The following SPHK1 variants were observed in gnomAD, a reference collection of about 807,000 sequenced individuals.
SPHK1 encodes sphingosine kinase 1.
Under a neutral mutation model 14.6 loss-of-function variants are expected in SPHK1, and 10 were observed. That is an observed-to-expected ratio of 0.68 (90% CI 0.42 to 1.16). The LOEUF (loss-of-function observed/expected upper bound fraction) is 1.16, where lower values mean the gene tolerates loss of function less well. Among genes scored for constraint, SPHK1 ranks in the 50% most tolerant of loss-of-function variants. The pLI is 0.00. For missense variants in SPHK1, 553 were observed against 525.4 expected (o/e 1.05, Z -0.51); for synonymous variants, 274 against 224.0 (o/e 1.22, Z -1.99).
At position 76,387,784 on chromosome 17, in the gene SPHK1, C is replaced by T. The variant is rs1443920852; in HGVS notation, c.*198C>T. ...AGCCCAGCTGGCTGGGCCCAGCTGC[C>T]TATGTAAGGCCTTCTAGTTTGTTCT... On this transcript the variant is annotated 3_prime_UTR_variant, in exon 6 of 6. Transcript: ENST00000592299. The surrounding 1 kb of genome is among the most constrained non-coding windows in gnomAD (Gnocchi z 4.1). The T allele has an allele frequency of 5.0e-6, 3 of 600,246 alleles. No individual in the cohort carries two copies. The Admixed American group carries it at 9.7e-5, about 19-fold the overall frequency. 37.2% of individuals were successfully genotyped at this position (600,246 alleles called of 1,614,324 possible). A position where few individuals can be genotyped will look rare whatever the true frequency, so the allele number is the denominator to read the frequency against.
In SPHK1 at chr17:76,386,095, CT is replaced by C; in HGVS notation, c.125del (p.Leu42TrpfsTer10). 6.2e-7 allele frequency: 1 copy of C among 1,603,066 alleles called. No individual in the cohort carries two copies. On this transcript the variant is annotated frameshift_variant, in exon 3 of 6. Transcript: ENST00000592299. LOFTEE classifies it high-confidence loss of function. The surrounding 1 kb of genome is among the most constrained non-coding windows in gnomAD (Gnocchi z 5.3). ...LQLFRSHVQPLLAEAEISFTL... is the reference protein window; with the variant it reads ...LQLFRSHVQPXLAEAEISFTL... ...GCTCTTCCGGAGTCACGTGCAGCCC[CT>C]TTTGGCTGAGGCTGAAATCTCCTTC...
chr17:76,385,489 G>T lies in SPHK1; in HGVS notation c.-156G>T. On this transcript the variant is annotated 5_prime_UTR_variant, in exon 2 of 6. Coordinates refer to ENST00000592299, the MANE Select transcript of SPHK1 (RefSeq NM_001142601.2). This position sits in a 1 kb window ranked among gnomAD's most constrained non-coding sequence, Gnocchi z 5.3. ...AGGGAATGACGCCGGTGCTCCTGCAGCCACGGCTCCGGGCGGGGAAGGCGA... is the reference window on the plus strand; with the variant it reads ...AGGGAATGACGCCGGTGCTCCTGCATCCACGGCTCCGGGCGGGGAAGGCGA... 1 of 1,558,248 alleles carries T rather than the reference G, an allele frequency of 6.4e-7. No individual in the cohort carries two copies. The highest frequency in any genetic ancestry group is 1.2e-5 in the South Asian group (1 of 86,118).
chr17:76,386,227 G>C lies in SPHK1; in HGVS notation c.170G>C (p.Arg57Pro), dbSNP rs550324723. 6.3e-7 allele frequency: 1 copy of C among 1,595,108 alleles called. No individual in the cohort carries two copies. The highest frequency in any genetic ancestry group is 8.5e-7 in the Non-Finnish European group (1 of 1,176,588). The change falls in exon 4 of 6, where the codon CGG (arginine) becomes CCG (proline). Residue 57 changes from arginine to proline, a missense_variant. By Grantham distance (103) the Arg-to-Pro change is moderately radical. Coordinates refer to ENST00000592299, the MANE Select transcript of SPHK1 (RefSeq NM_001142601.2). The surrounding 1 kb of genome is among the most constrained non-coding windows in gnomAD (Gnocchi z 5.3). ...ISFTLMLTER[R>P]NHARELVRSE... ...GCTGCCGGTCTCCCTGCAGAGCGGCGGAACCACGCGCGGGAGCTGGTGCGG... is the reference window on the plus strand; with the variant it reads ...GCTGCCGGTCTCCCTGCAGAGCGGCCGAACCACGCGCGGGAGCTGGTGCGG...
Position 76,385,498 on chromosome 17 carries a change from C to T in SPHK1, c.-147C>T. On this transcript the variant is annotated 5_prime_UTR_variant, in exon 2 of 6. Transcript: ENST00000592299. This position sits in a 1 kb window ranked among gnomAD's most constrained non-coding sequence, Gnocchi z 5.3. ...CGCCGGTGCTCCTGCAGCCACGGCT[C>T]CGGGCGGGGAAGGCGAGCCCCACAG... 6.4e-7 allele frequency: 1 copy of T among 1,555,972 alleles called. No individual in the cohort carries two copies. Among genetic ancestry groups the T allele is most frequent in the African/African-American group, 1.4e-5 (1 of 73,902 alleles).
chr17:76,384,824 G>A lies in SPHK1; in HGVS notation c.-195+18G>A, dbSNP rs2071932865. 3 of 328,420 alleles carry A rather than the reference G, an allele frequency of 9.1e-6. No individual in the cohort carries two copies. Among genetic ancestry groups the A allele is most frequent in the African/African-American group, 4.4e-5 (2 of 45,482 alleles). 20.3% of individuals were successfully genotyped at this position (328,420 alleles called of 1,614,324 possible). The stretch of plus-strand genomic sequence containing the variant: ...CCGACTGGGTAGGGCCGCCCACCCT[G>A]CCTTCGCGCCGCTCGTGGCTCCTGT... On this transcript the variant is annotated intron_variant, in intron 1 of 5. Transcript: ENST00000592299.
At position 76,386,528 on chromosome 17, in the gene SPHK1, G is replaced by T; in HGVS notation, c.374+20G>T. ...TGCTGGGTGAGAGCCCAGGGCCAGA[G>T]TAGGCCTGTTTCCCGTCAGTGCTCC... is the stretch of plus-strand genomic sequence containing the variant. On this transcript the variant is annotated intron_variant, in intron 5 of 5. Coordinates refer to ENST00000592299, the MANE Select transcript of SPHK1 (RefSeq NM_001142601.2). The surrounding 1 kb of genome is among the most constrained non-coding windows in gnomAD (Gnocchi z 5.3). 6 of 1,602,166 alleles carry T rather than the reference G, an allele frequency of 3.7e-6. No individual in the cohort carries two copies. The highest frequency in any genetic ancestry group is 5.1e-6 in the Non-Finnish European group (6 of 1,173,480).
At chr17:76,383,722 G>C, upstream of SPHK1, 3 of 687,532 alleles carry the variant, frequency 4.4e-6, no homozygotes, top group South Asian at 4.7e-5. Flanking sequence ...GGCTTGCCGC[G>C]ATAAGTGTAT....
upstream of SPHK1, chr17:76,384,365 T>A (rs1289607825): frequency 6.6e-6 from 1 of 150,818 alleles, no homozygotes; most frequent in Non-Finnish European, 1.5e-5. Context: ...CCTCGCGGCC[T>A]GCCGCCTCAG....
Position 76,385,184 on chromosome 17 carries a change from C to A in SPHK1, c.-194-267C>A, listed in dbSNP as rs749516264. On this transcript the variant is annotated intron_variant, in intron 1 of 5. Transcript: ENST00000592299. This position sits in a 1 kb window ranked among gnomAD's most constrained non-coding sequence, Gnocchi z 5.3. Reference sequence around the variant, plus strand: ...AGCCCCGAGGGGTGAGGAGCTAGTCCGTCGGAGGGAGCCACGGGGCTCTGA... The same window carrying A: ...AGCCCCGAGGGGTGAGGAGCTAGTCAGTCGGAGGGAGCCACGGGGCTCTGA... 2 of 1,577,618 alleles carry A rather than the reference C, an allele frequency of 1.3e-6. No homozygotes were observed. The highest frequency in any genetic ancestry group is 2.3e-5 in the East Asian group (1 of 43,472).
At position 76,385,159 on chromosome 17, in the gene SPHK1, A is replaced by G. The variant is rs147350800; in HGVS notation, c.-194-292A>G. 2.3e-5 allele frequency: 37 copies of G among 1,594,786 alleles called. No homozygotes were observed. The African/African-American group carries it at 3.9e-4, about 17-fold the overall frequency. On this transcript the variant is annotated intron_variant, in intron 1 of 5. Transcript: ENST00000592299. The surrounding 1 kb of genome is among the most constrained non-coding windows in gnomAD (Gnocchi z 5.3). ...GCAGCTGGACTCCCCTCCCCCTGGC[A>G]GCCCCGAGGGGTGAGGAGCTAGTCC...
rs1567823100 is a variant in SPHK1 at position 76,386,229 on chromosome 17, A to G, written c.172A>G (p.Asn58Asp). 1 of 1,595,556 alleles carries G rather than the reference A, an allele frequency of 6.3e-7. No homozygotes were observed. The highest frequency in any genetic ancestry group is 8.5e-7 in the Non-Finnish European group (1 of 1,176,918). Reference sequence around the variant, plus strand: ...TGCCGGTCTCCCTGCAGAGCGGCGGAACCACGCGCGGGAGCTGGTGCGGTC... The same window carrying G: ...TGCCGGTCTCCCTGCAGAGCGGCGGGACCACGCGCGGGAGCTGGTGCGGTC... The part of the protein sequence containing the change: ...SFTLMLTERR[N>D]HARELVRSEE... The change falls in exon 4 of 6, where the codon AAC (asparagine) becomes GAC (aspartate). Residue 58 changes from asparagine (N) to aspartate (D), a missense_variant. Transcript: ENST00000592299. The surrounding 1 kb of genome is among the most constrained non-coding windows in gnomAD (Gnocchi z 5.3).
rs935936421 is a variant in SPHK1 at position 76,385,788 on chromosome 17, G to A, written c.10+134G>A. ...TTATCCCTCACGAGGCCAGAAGCCG[G>A]CCGAATCTGAGCCAAGGAAGGGGGT... On this transcript the variant is annotated intron_variant, in intron 2 of 5. Coordinates refer to ENST00000592299, the MANE Select transcript of SPHK1 (RefSeq NM_001142601.2). The surrounding 1 kb of genome is among the most constrained non-coding windows in gnomAD (Gnocchi z 5.3). 4.9e-6 allele frequency: 7 copies of A among 1,427,404 alleles called. No homozygotes were observed. In the African/African-American group the frequency reaches 5.6e-5, roughly 11 times the overall value. The allele number at this position is 1,427,404 out of a possible 1,614,324, so 88.4% of individuals were successfully genotyped here. A position where few individuals can be genotyped will look rare whatever the true frequency, so the allele number is the denominator to read the frequency against.
In SPHK1 at chr17:76,386,542, C is replaced by A. The variant is rs772531834; in HGVS notation, c.374+34C>A. 9.5e-6 allele frequency: 15 copies of A among 1,573,684 alleles called. No homozygotes were observed. The highest frequency in any genetic ancestry group is 2.2e-5 in the South Asian group (2 of 89,144). On this transcript the variant is annotated intron_variant, in intron 5 of 5. Transcript: ENST00000592299. This position sits in a 1 kb window ranked among gnomAD's most constrained non-coding sequence, Gnocchi z 5.3. ...CCAGGGCCAGAGTAGGCCTGTTTCC[C>A]GTCAGTGCTCCTCTACCGCGGGGGT...
In SPHK1 at chr17:76,387,741, A is replaced by C; in HGVS notation, c.*155A>C. On this transcript the variant is annotated 3_prime_UTR_variant, in exon 6 of 6. Transcript: ENST00000592299. This position sits in a 1 kb window ranked among gnomAD's most constrained non-coding sequence, Gnocchi z 4.1. ...CTATGCTTTGGGGGGACAGGCCAGA[A>C]TGAAGTCCTGGGTCAGGAGCCCAGC... is the stretch of plus-strand genomic sequence containing the variant. 1.1e-6 allele frequency: 1 copy of C among 919,290 alleles called. No individual in the cohort carries two copies. The highest frequency in any genetic ancestry group is 1.6e-6 in the Non-Finnish European group (1 of 637,904). 56.9% of individuals were successfully genotyped at this position (919,290 alleles called of 1,614,324 possible). A position where few individuals can be genotyped will look rare whatever the true frequency, so the allele number is the denominator to read the frequency against.
Position 76,386,977 on chromosome 17 carries a change from G to C in SPHK1, c.546G>C (p.Glu182Asp). The stretch of plus-strand genomic sequence containing the variant: ...TTGCTGATGTGGACCTAGAGAGTGA[G>C]AAGTATCGGCGTCTGGGGGAGATGC... Reference protein sequence around the residue: ...GFIADVDLESEKYRRLGEMRF... With the variant: ...GFIADVDLESDKYRRLGEMRF... Residue 182 changes from glutamate to aspartate, a missense_variant, in exon 6 of 6, where the codon GAG (glutamate) becomes GAC (aspartate). Glu to Asp is a conservative substitution (Grantham distance 45). Transcript: ENST00000592299. The surrounding 1 kb of genome is among the most constrained non-coding windows in gnomAD (Gnocchi z 5.3). The C allele has an allele frequency of 6.2e-7, 1 of 1,613,680 alleles. No homozygotes were observed. The highest frequency in any genetic ancestry group is 8.5e-7 in the Non-Finnish European group (1 of 1,179,946).
At chr17:76,383,869 G>A (rs1430895695), upstream of SPHK1, 1 of 1,277,200 alleles carries the variant, frequency 7.8e-7, no homozygotes, top group South Asian at 1.3e-5. Context: ...TTCCAATCCC[G>A]ACGGGGGCCC....
Position 76,387,348 on chromosome 17 carries a change from T to C in SPHK1, c.917T>C (p.Met306Thr), listed in dbSNP as rs2072010217. The C allele has an allele frequency of 6.2e-7, 1 of 1,613,716 alleles. No homozygotes were observed. The highest frequency in any genetic ancestry group is 8.5e-7 in the Non-Finnish European group (1 of 1,179,986). ...RAMLLRLFLA[M>T]EKGRHMEYEC... is the part of the protein sequence containing the mutation. ...ATGCTGCTGCGCCTCTTCCTGGCCA[T>C]GGAGAAGGGCAGGCATATGGAGTAT... is the stretch of plus-strand genomic sequence containing the variant. Residue 306 changes from methionine to threonine, a missense_variant, in exon 6 of 6, where the codon ATG becomes ACG. Met to Thr is a moderately conservative substitution (Grantham distance 81, BLOSUM62 -1). Coordinates refer to ENST00000592299, the MANE Select transcript of SPHK1 (RefSeq NM_001142601.2). The surrounding 1 kb of genome is among the most constrained non-coding windows in gnomAD (Gnocchi z 4.1).
chr17:76,386,803 C>T lies in SPHK1; in HGVS notation c.375-3C>T. ...TGCCTTATCTGACTTTTTCCCCCTG[C>T]AGCTATGAGCAGGTCACCAATGAAG... On this transcript the variant is annotated splice_polypyrimidine_tract_variant and splice_region_variant and intron_variant, in intron 5 of 5. Coordinates refer to ENST00000592299, the MANE Select transcript of SPHK1 (RefSeq NM_001142601.2). This position sits in a 1 kb window ranked among gnomAD's most constrained non-coding sequence, Gnocchi z 5.3. 1 of 1,532,498 alleles carries T rather than the reference C, an allele frequency of 6.5e-7. No homozygotes were observed. The highest frequency in any genetic ancestry group is 8.8e-7 in the Non-Finnish European group (1 of 1,139,048). 94.9% of individuals were successfully genotyped at this position (1,532,498 alleles called of 1,614,324 possible).
At position 76,387,507 on chromosome 17, in the gene SPHK1, T is replaced by A. The variant is rs1333888966; in HGVS notation, c.1076T>A (p.Phe359Tyr). The A allele has an allele frequency of 5.0e-6, 8 of 1,612,576 alleles. No individual in the cohort carries two copies. Among genetic ancestry groups the A allele is most frequent in the East Asian group, 2.2e-5 (1 of 44,860 alleles). Residue 359 changes from phenylalanine to tyrosine, a missense_variant, in exon 6 of 6, where the codon TTC becomes TAC. Phe to Tyr is a conservative substitution (Grantham distance 22). Coordinates refer to ENST00000592299, the MANE Select transcript of SPHK1 (RefSeq NM_001142601.2). This position sits in a 1 kb window ranked among gnomAD's most constrained non-coding sequence, Gnocchi z 4.1. ...AVQGQVHPNY[F>Y]WMVSGCVEPP... ...CAGGGCCAGGTGCACCCAAACTACT[T>A]CTGGATGGTCAGCGGTTGCGTGGAG...
Sources: allele counts gnomAD v4.1 joint callset, GRCh38; gene constraint gnomAD v4.1.1; non-coding constraint Gnocchi (gnomAD v3.1); transcripts MANE v1.5; gene names NCBI Gene and HGNC (gene_info 2026-07-23, HGNC 2026-07-21).